PRKCA: variants seen among roughly 807,000 people sequenced by gnomAD.
PRKCA encodes protein kinase C alpha.
In PRKCA, 27 loss-of-function variants were observed where a neutral mutation model predicts 87.0. The observed-to-expected ratio is 0.31, with a 90% CI of 0.23 to 0.43. The LOEUF (loss-of-function observed/expected upper bound fraction) is 0.43, where lower values mean the gene tolerates loss of function less well. Among genes scored for constraint, PRKCA ranks in the 20% least tolerant of loss-of-function variants. The pLI, the probability that PRKCA is intolerant of heterozygous loss-of-function variation, is 1.00. For synonymous variants in PRKCA, 329 were observed against 311.1 expected, an observed-to-expected ratio of 1.06 and a Z score of -0.61; for missense variants, 518 against 852.3, an observed-to-expected ratio of 0.61 and a Z score of 4.88.
chr17:66,366,532 C>A lies in PRKCA; in HGVS notation c.205+60405C>A, dbSNP rs369279037. On this transcript the variant is annotated intron_variant, in intron 2 of 16. Coordinates refer to ENST00000413366, the MANE Select transcript of PRKCA (RefSeq NM_002737.3). ...CAATCTGGGAAGAGATCTTAATTGACCTATTAGCTGAATTGAGGAGATGAA... is the reference window on the plus strand; with the variant it reads ...CAATCTGGGAAGAGATCTTAATTGAACTATTAGCTGAATTGAGGAGATGAA... Among the ~76,000 whole-genome samples the A allele has an allele frequency of 2.0e-5, 3 of 152,180 alleles. No homozygotes were observed. In the South Asian group the frequency reaches 6.2e-4, roughly 32 times the overall value.
At position 66,754,106 on chromosome 17, in the gene PRKCA, TAG is replaced by T. The variant is rs764378678; in HGVS notation, c.1524+11350_1524+11351del. Reference sequence around the variant, plus strand: ...GTCCCGGCTCCCTCACCCCACATGTTAGAGATGGCCTCATCCTAGGTCAATAG... The same window carrying T: ...GTCCCGGCTCCCTCACCCCACATGTTAGATGGCCTCATCCTAGGTCAATAG... On this transcript the variant is annotated intron_variant, in intron 13 of 16. Coordinates refer to ENST00000413366, the MANE Select transcript of PRKCA (RefSeq NM_002737.3). Among the ~76,000 whole-genome samples, 31 of 152,154 alleles carry T rather than the reference TAG, an allele frequency of 2.0e-4. 1 individual carries two copies. In the Middle Eastern group the frequency reaches 0.01, roughly 50 times the overall value.
chr17:66,381,758 A>G (rs1476748087), intron 2 of PRKCA, among the ~76,000 whole-genome samples: 1 of 152,166 alleles, frequency 6.6e-6, no homozygotes, highest in Non-Finnish European at 1.5e-5. Context: ...CTTCTAAGAA[A>G]TAGTTTAGCT....
At chr17:66,335,923 A>C (rs940778699) in intron 2 of PRKCA, among the ~76,000 whole-genome samples, 8 of 152,204 alleles carry the variant, frequency 5.3e-5, no homozygotes, top group African/African-American at 1.9e-4. Context: ...CATTACCCTC[A>C]GAATAGTTAC....
At chr17:66,446,355 G>A (rs950933657) in intron 2 of PRKCA, among the ~76,000 whole-genome samples, 3 of 152,148 alleles carry the variant, frequency 2.0e-5, no homozygotes, top group African/African-American at 4.8e-5. Context: ...TGGGACATGG[G>A]CCTTAAGGTG....
chr17:66,356,874 C>T (rs1268722225), intron 2 of PRKCA, among the ~76,000 whole-genome samples: 3 of 152,168 alleles, frequency 2.0e-5, no homozygotes, highest in East Asian at 1.9e-4. Flanking sequence ...CCCACCTTAG[C>T]CTCCTGAGTC....
At chr17:66,766,430 C>T (rs1029961503) in intron 13 of PRKCA, among the ~76,000 whole-genome samples, 4 of 152,112 alleles carry the variant, frequency 2.6e-5, no homozygotes, top group African/African-American at 4.8e-5. Context: ...GTTGGCAAGA[C>T]TGCTCAGATA....
intron 3 of PRKCA, among the ~76,000 whole-genome samples, chr17:66,602,533 G>A (rs1347493960): frequency 2.6e-5 from 4 of 152,106 alleles, no homozygotes; most frequent in African/African-American, 9.7e-5. Context: ...CGTCTTCTGC[G>A]TCGCTCACGC....
chr17:66,710,171 C>T (rs1264868666), intron 8 of PRKCA, among the ~76,000 whole-genome samples: 5 of 152,022 alleles, frequency 3.3e-5, no homozygotes, highest in African/African-American at 4.8e-5. Context: ...GGAAGAGTTA[C>T]TTCCTACCCC....
chr17:66,431,511 A>T (rs1258451553), intron 2 of PRKCA, among the ~76,000 whole-genome samples: 2 of 152,180 alleles, frequency 1.3e-5, no homozygotes, highest in Non-Finnish European at 1.5e-5. Flanking sequence ...CCTGTGGCTC[A>T]TGATCCAAAT....
In PRKCA at chr17:66,804,953, C is replaced by T. The variant is rs910419986; in HGVS notation, c.*916C>T. On this transcript the variant is annotated 3_prime_UTR_variant, in exon 17 of 17. Coordinates refer to ENST00000413366, the MANE Select transcript of PRKCA (RefSeq NM_002737.3). Reference sequence around the variant, plus strand: ...AACATTTTGCTGCCTACCTTGTTATCCTTCTCAAGAAGCTGAAGTGTACGC... The same window carrying T: ...AACATTTTGCTGCCTACCTTGTTATTCTTCTCAAGAAGCTGAAGTGTACGC... 1.0e-6 allele frequency: 1 copy of T among 978,824 alleles called. No homozygotes were observed. The highest frequency in any genetic ancestry group is 6.2e-5 in the Admixed American group (1 of 16,238). The allele number at this position is 978,824 out of a possible 1,614,324, so 60.6% of individuals were successfully genotyped here.
At chr17:66,350,323 G>A (rs746806375) in intron 2 of PRKCA, among the ~76,000 whole-genome samples, 2 of 152,066 alleles carry the variant, frequency 1.3e-5, no homozygotes, top group Admixed American at 6.6e-5. Flanking sequence ...AGTCCTGCCC[G>A]GGGCTCACCC....
chr17:66,663,570 G>C (rs1255185695), intron 5 of PRKCA, among the ~76,000 whole-genome samples: 1 of 152,202 alleles, frequency 6.6e-6, no homozygotes. Context: ...ATGACTTCAT[G>C]GAGGCAGGTT....
intron 13 of PRKCA, among the ~76,000 whole-genome samples, chr17:66,748,922 G>C (rs922642275): frequency 1.3e-5 from 2 of 152,082 alleles, no homozygotes; most frequent in Non-Finnish European, 2.9e-5. Context: ...AAGGGGAGGG[G>C]CACACAGGAG....
chr17:66,643,990 C>T (rs1268423182), intron 4 of PRKCA, among the ~76,000 whole-genome samples: 1 of 152,248 alleles, frequency 6.6e-6, no homozygotes, highest in African/African-American at 2.4e-5. Flanking sequence ...GTCCCCTCCC[C>T]GTTGCCTCTG....
intron 2 of PRKCA, among the ~76,000 whole-genome samples, chr17:66,357,368 C>A (rs886829754): frequency 1.3e-5 from 2 of 152,076 alleles, no homozygotes; most frequent in Admixed American, 6.6e-5. Context: ...GATACAAAGC[C>A]AGCTTTGAGT....
intron 13 of PRKCA, among the ~76,000 whole-genome samples, chr17:66,757,562 C>T (rs1401883726): frequency 8.7e-6 from 1 of 115,022 alleles, no homozygotes; most frequent in Non-Finnish European, 1.7e-5. Context: ...ATATTTAAAG[C>T]TTTGGGAGGA....
chr17:66,518,398 T>C (rs551745349), intron 3 of PRKCA, among the ~76,000 whole-genome samples: 1 of 152,344 alleles, frequency 6.6e-6, no homozygotes, highest in Admixed American at 6.5e-5. Context: ...AACTCCTGTT[T>C]CGTAAGATAT....
chr17:66,693,750 C>T (rs547179965), intron 8 of PRKCA, among the ~76,000 whole-genome samples: 23 of 152,310 alleles, frequency 1.5e-4, no homozygotes, highest in East Asian at 7.7e-4. Flanking sequence ...ATGGGCCATG[C>T]GGTGTCTGGT....
intron 2 of PRKCA, among the ~76,000 whole-genome samples, chr17:66,400,888 A>G (rs1006715026): frequency 2.6e-5 from 4 of 152,300 alleles, no homozygotes; most frequent in East Asian, 1.9e-4. Flanking sequence ...TGATTTATCT[A>G]TGTTTGCTGC....
Sources: gnomAD v4.1 joint callset for allele counts (sites outside exome capture counted in the v4.1 genomes callset) on GRCh38, gnomAD v4.1.1 for gene constraint, MANE v1.5 for transcripts, NCBI Gene and HGNC (gene_info 2026-07-23, HGNC 2026-07-21) for gene names.